GPM6A: variants seen among roughly 807,000 people sequenced by gnomAD.
The protein encoded by GPM6A is neuronal membrane glycoprotein M6-a.
A neutral mutation model predicts 32.1 loss-of-function variants in GPM6A; 7 were observed. The ratio of observed to expected loss-of-function variants is 0.22; its 90% CI spans 0.12 to 0.41. GPM6A has a LOEUF of 0.41. Ranked by LOEUF, GPM6A falls within the 10% of genes least tolerant of loss-of-function variation. The pLI is 1.00. For missense variants in GPM6A, 235 were observed against 347.2 expected (o/e 0.68, Z 2.57); for synonymous variants, 130 against 123.4 (o/e 1.05, Z -0.35).
chr4:175,899,965 A>C (rs1439064377), intron 1 of GPM6A, among the ~76,000 whole-genome samples: 2 of 152,222 alleles, frequency 1.3e-5, no homozygotes, highest in Non-Finnish European at 2.9e-5. Context: ...TTTGCAAACT[A>C]CCCATCTGAC....
At chr4:175,695,907 G>C (rs1560880503) in intron 2 of GPM6A, among the ~76,000 whole-genome samples, 1 of 152,096 alleles carries the variant, frequency 6.6e-6, no homozygotes, top group Non-Finnish European at 1.5e-5. Flanking sequence ...CATAGGGGTG[G>C]TTTCTCATGA....
rs367748910 is a variant in GPM6A, at chr4:175,818,458, G to C, written c.-22-6209C>G. Among the ~76,000 whole-genome samples, 29 of 152,266 alleles carry C rather than the reference G, an allele frequency of 1.9e-4. No homozygotes were observed. The East Asian group carries it at 5.2e-3, about 27-fold the overall frequency. On this transcript the variant is annotated intron_variant, in intron 1 of 7. Coordinates refer to the GPM6A transcript ENST00000280187. ...ATATAGTCTGCAATATATATATAGA[G>C]AGAGAGTCAGTTCTATATATATGTA...
chr4:175,944,489 T>TAG (rs1739524153), intron 1 of GPM6A, among the ~76,000 whole-genome samples: 1 of 150,164 alleles, frequency 6.7e-6, no homozygotes, highest in African/African-American at 2.5e-5. Context: ...TTCCAATTCT[T>TAG]ATCATTCATT....
intron 1 of GPM6A, among the ~76,000 whole-genome samples, chr4:175,945,912 G>A (rs1258027925): frequency 6.6e-6 from 1 of 151,744 alleles, no homozygotes; most frequent in Admixed American, 6.6e-5. Flanking sequence ...TAAGTAATAC[G>A]GGTGCATATT....
intron 4 of GPM6A, among the ~76,000 whole-genome samples, chr4:175,643,200 C>T (rs1359374343): frequency 6.6e-6 from 1 of 152,140 alleles, no homozygotes; most frequent in Non-Finnish European, 1.5e-5. Flanking sequence ...TTGCTTCTAC[C>T]CTTCCTACAA....
intron 6 of GPM6A, among the ~76,000 whole-genome samples, chr4:175,639,692 G>A (rs1741023387): frequency 6.6e-6 from 1 of 151,916 alleles, no homozygotes; most frequent in Non-Finnish European, 1.5e-5. Flanking sequence ...AGATATAGAA[G>A]ACATGACTTG....
intron 1 of GPM6A, among the ~76,000 whole-genome samples, chr4:175,799,411 C>G (rs929175651): frequency 9.9e-5 from 15 of 152,160 alleles, no homozygotes; most frequent in Admixed American, 9.2e-4. Context: ...TTTTAATGTT[C>G]CCCTCTCACA....
At chr4:175,770,416 T>C (rs1027968986) in intron 1 of GPM6A, among the ~76,000 whole-genome samples, 1 of 152,198 alleles carries the variant, frequency 6.6e-6, no homozygotes, top group Admixed American at 6.5e-5. Flanking sequence ...TCAGCCAGAA[T>C]GACATTTCCA....
intron 1 of GPM6A, among the ~76,000 whole-genome samples, chr4:175,710,495 C>T (rs1198602765): frequency 6.6e-6 from 1 of 151,608 alleles, no homozygotes; most frequent in Non-Finnish European, 1.5e-5. Flanking sequence ...AATATGAAAG[C>T]TTTTTAAATC....
chr4:175,679,115 A>C (rs1743539693), intron 2 of GPM6A, among the ~76,000 whole-genome samples: 1 of 152,130 alleles, frequency 6.6e-6, no homozygotes, highest in South Asian at 2.1e-4. Context: ...TACCGGAGCC[A>C]ATCTAGGGGC....
At chr4:175,755,491 C>T (rs1203522378) in intron 1 of GPM6A, among the ~76,000 whole-genome samples, 5 of 152,020 alleles carry the variant, frequency 3.3e-5, no homozygotes, top group African/African-American at 9.7e-5. Flanking sequence ...ATAATATTTT[C>T]AAGAATTAAG....
intron 1 of GPM6A, among the ~76,000 whole-genome samples, chr4:175,772,547 C>T (rs186680229): frequency 2.6e-5 from 4 of 152,262 alleles, no homozygotes; most frequent in African/African-American, 9.6e-5. Flanking sequence ...GACTGGGAAA[C>T]CTTCCTTCCT....
intron 1 of GPM6A, among the ~76,000 whole-genome samples, chr4:175,799,671 C>CTTTTTTTTTT (rs374571140): frequency 0.016 from 1,903 of 121,882 alleles, 171 homozygotes; most frequent in African/African-American, 0.018. Flanking sequence ...CAAGTGTTTT[C>CTTTTTTTTTT]TTTTTTTTTT....
intron 1 of GPM6A, among the ~76,000 whole-genome samples, chr4:176,000,621 T>C (rs545271169): frequency 5.3e-5 from 8 of 152,360 alleles, no homozygotes; most frequent in Middle Eastern, 3.4e-3. Flanking sequence ...AAATGGCATT[T>C]TAATGCTTTT....
chr4:175,720,247 C>T (rs1005576284), intron 1 of GPM6A, among the ~76,000 whole-genome samples: 1 of 152,198 alleles, frequency 6.6e-6, no homozygotes, highest in African/African-American at 2.4e-5. Context: ...CTGCTCACCA[C>T]AGGACACATC....
chr4:175,931,143 G>GT lies in GPM6A; in HGVS notation c.-23+71165dup, dbSNP rs1397773138. Among the ~76,000 whole-genome samples the GT allele has an allele frequency of 3.9e-5, 6 of 152,148 alleles. No individual in the cohort carries two copies. In the East Asian group the frequency reaches 1.2e-3, roughly 29 times the overall value. Reference sequence around the variant, plus strand: ...GGGAACTGAGATTGAGATAGGCACAGTTCTAAGAACTTATTTCTCATATCT... The same window carrying GT: ...GGGAACTGAGATTGAGATAGGCACAGTTTCTAAGAACTTATTTCTCATATCT... On this transcript the variant is annotated intron_variant, in intron 1 of 7. Transcript: ENST00000280187.
intron 6 of GPM6A, among the ~76,000 whole-genome samples, chr4:175,638,248 A>T (rs1434954903): frequency 6.6e-6 from 1 of 151,900 alleles, no homozygotes; most frequent in East Asian, 1.9e-4. Context: ...CTGCTTTATT[A>T]TTCCTGGTAC....
rs528412691 is a variant in GPM6A at position 175,662,382 on chromosome 4, C to T, written c.388-10395G>A. 2.6e-5 allele frequency among the ~76,000 whole-genome samples: 4 copies of T among 152,148 alleles called. No individual in the cohort carries two copies. The South Asian group carries it at 8.3e-4, about 32-fold the overall frequency. ...TCAGAGGCTGAGGTGGGTGGATCAC[C>T]TGAGGTCAGGAGTTCAAGACCAGCC... On this transcript the variant is annotated intron_variant, in intron 3 of 6. Coordinates refer to ENST00000393658, the MANE Select transcript of GPM6A (RefSeq NM_201591.3).
At chr4:175,810,330 A>T (rs1199401712) in intron 1 of GPM6A, among the ~76,000 whole-genome samples, 1 of 152,242 alleles carries the variant, frequency 6.6e-6, no homozygotes, top group Non-Finnish European at 1.5e-5. Flanking sequence ...CAATTAAGAA[A>T]AAAACCTAAA....
Sources: allele counts gnomAD v4.1 joint callset (sites outside exome capture counted in the v4.1 genomes callset), GRCh38; gene constraint gnomAD v4.1.1; transcripts MANE v1.5; gene names NCBI Gene and HGNC (gene_info 2026-07-23, HGNC 2026-07-21).